The following CLSTN1 variants were observed in gnomAD, a reference collection of about 807,000 sequenced individuals.
CLSTN1 encodes calsyntenin-1.
CLSTN1 carries 28 observed loss-of-function variants against 108.3 expected under a neutral mutation model. The observed-to-expected ratio is 0.26, with a 90% CI of 0.19 to 0.35. The LOEUF (loss-of-function observed/expected upper bound fraction) is 0.35, where lower values mean the gene tolerates loss of function less well. CLSTN1 is among the 10% of genes least tolerant of loss of function. The probability of loss-of-function intolerance (pLI) is 1.00; values close to 1 mark genes in which losing one functional copy is unlikely to be tolerated. For missense variants in CLSTN1, 1,157 were observed against 1,302.6 expected (o/e 0.89, Z 1.72); for synonymous variants, 524 against 534.9 (o/e 0.98, Z 0.28).
At chr1:9,784,330 C>T (rs970967456) in intron 1 of CLSTN1, among the ~76,000 whole-genome samples, 18 of 150,702 alleles carry the variant, frequency 1.2e-4, no homozygotes, top group Non-Finnish European at 2.7e-4. Flanking sequence ...GGTGACAAAG[C>T]GAGATTCCCT....
chr1:9,802,583 C>G (rs1008848981), intron 1 of CLSTN1, among the ~76,000 whole-genome samples: 1 of 152,076 alleles, frequency 6.6e-6, no homozygotes, highest in African/African-American at 2.4e-5. Flanking sequence ...ACAGACTCAC[C>G]CAAATGTATG....
intron 5 of CLSTN1, among the ~76,000 whole-genome samples, chr1:9,750,410 T>C (rs1037849706): frequency 7.9e-5 from 12 of 152,166 alleles, no homozygotes; most frequent in African/African-American, 2.2e-4. Context: ...AGACCGTGCA[T>C]TGATTAACAA....
intron 2 of CLSTN1, among the ~76,000 whole-genome samples, chr1:9,769,253 C>A (rs564780040): frequency 6.6e-6 from 1 of 151,836 alleles, no homozygotes; most frequent in Non-Finnish European, 1.5e-5. Context: ...AGCAGAGGAC[C>A]CCACGCTTCA....
At chr1:9,824,148 C>G (rs1362041692), upstream of CLSTN1, 4 of 146,054 alleles carry the variant, frequency 2.7e-5, 1 homozygote, top group Admixed American at 2.7e-4. This position sits in a 1 kb window ranked among gnomAD's most constrained non-coding sequence, Gnocchi z 5.0. Flanking sequence ...GCAGCGGGCG[C>G]GCGCCTCCGA....
At position 9,734,838 on chromosome 1, in the gene CLSTN1, A is replaced by C; in HGVS notation, c.2110+110T>G. On this transcript the variant is annotated intron_variant, in intron 14 of 18. Coordinates refer to ENST00000377298, the MANE Select transcript of CLSTN1 (RefSeq NM_001009566.3). The surrounding 1 kb of genome is among the most constrained non-coding windows in gnomAD (Gnocchi z 4.8). Reference sequence around the variant, plus strand: ...GCACACCCGAGAGAACACCAACGAAAGATTAAAACCTCCCCAAATCCCACA... The same window carrying C: ...GCACACCCGAGAGAACACCAACGAACGATTAAAACCTCCCCAAATCCCACA... The C allele has an allele frequency of 1.1e-6, 1 of 905,916 alleles. No individual in the cohort carries two copies. Among genetic ancestry groups the C allele is most frequent in the Non-Finnish European group, 1.7e-6 (1 of 581,384 alleles). The allele number at this position is 905,916 out of a possible 1,614,324, so 56.1% of individuals were successfully genotyped here.
intron 2 of CLSTN1, among the ~76,000 whole-genome samples, chr1:9,759,739 A>G (rs1026107487): frequency 6.6e-6 from 1 of 152,214 alleles, no homozygotes; most frequent in Non-Finnish European, 1.5e-5. Context: ...AATAGTCCCT[A>G]TCTAGTTCTT....
intron 4 of CLSTN1, among the ~76,000 whole-genome samples, chr1:9,752,954 T>C (rs1049769680): frequency 7.2e-5 from 11 of 152,144 alleles, no homozygotes; most frequent in African/African-American, 2.2e-4. Context: ...GGCTAGCAAG[T>C]GGTGGAGAAA....
chr1:9,795,867 A>G (rs1019537643), intron 1 of CLSTN1, among the ~76,000 whole-genome samples: 2 of 150,926 alleles, frequency 1.3e-5, no homozygotes, highest in Non-Finnish European at 2.9e-5. Flanking sequence ...AGGCAGGAGA[A>G]CTGCTTGAGC....
intron 7 of CLSTN1, among the ~76,000 whole-genome samples, chr1:9,748,184 T>A (rs1195576220): frequency 6.6e-6 from 1 of 152,332 alleles, no homozygotes; most frequent in African/African-American, 2.4e-5. Flanking sequence ...TTCCAATTTA[T>A]GAAGACGCTG....
intron 1 of CLSTN1, among the ~76,000 whole-genome samples, chr1:9,803,553 AG>A (rs1654377779): frequency 6.6e-6 from 1 of 152,242 alleles, no homozygotes; most frequent in Admixed American, 6.5e-5. Context: ...CTGCAATCCC[AG>A]CACTTTGGGA....
intron 1 of CLSTN1, among the ~76,000 whole-genome samples, chr1:9,796,148 G>A (rs1185186603): frequency 6.6e-6 from 1 of 150,506 alleles, no homozygotes; most frequent in East Asian, 2.0e-4. Flanking sequence ...TGTAATCCCA[G>A]CTACTCGGGG....
At chr1:9,793,012 T>TC (rs1213308743) in intron 1 of CLSTN1, among the ~76,000 whole-genome samples, 4 of 150,966 alleles carry the variant, frequency 2.6e-5, no homozygotes, top group African/African-American at 9.7e-5. Flanking sequence ...AAAACGCAGA[T>TC]CCCTTTTTTT....
At chr1:9,744,963 A>G (rs1416317311) in intron 7 of CLSTN1, among the ~76,000 whole-genome samples, 1 of 152,204 alleles carries the variant, frequency 6.6e-6, no homozygotes, top group African/African-American at 2.4e-5. Flanking sequence ...CATGTTGGCC[A>G]GGCTGGCCTG....
At chr1:9,764,714 C>A (rs1379512435) in intron 2 of CLSTN1, among the ~76,000 whole-genome samples, 1 of 151,654 alleles carries the variant, frequency 6.6e-6, no homozygotes, top group Non-Finnish European at 1.5e-5. Context: ...GCAGCACTTG[C>A]CTCCTTAGCC....
At chr1:9,810,187 G>A (rs1192419299) in intron 1 of CLSTN1, among the ~76,000 whole-genome samples, 1 of 149,232 alleles carries the variant, frequency 6.7e-6, no homozygotes, top group African/African-American at 2.5e-5. Context: ...AGGCAAGCAG[G>A]CAGGCAGGCA....
At position 9,775,047 on chromosome 1, in the gene CLSTN1, G is replaced by A. The variant is rs560541137; in HGVS notation, c.92-1653C>T. Reference sequence around the variant, plus strand: ...TAATGTATTTTAATTAGTGTATAATGAGCAGTGAGGACGACCAGAAGTCAC... The same window carrying A: ...TAATGTATTTTAATTAGTGTATAATAAGCAGTGAGGACGACCAGAAGTCAC... On this transcript the variant is annotated intron_variant, in intron 1 of 18. Coordinates refer to ENST00000377298, the MANE Select transcript of CLSTN1 (RefSeq NM_001009566.3). Among the ~76,000 whole-genome samples the A allele has an allele frequency of 6.6e-5, 10 of 152,230 alleles. No homozygotes were observed. In the South Asian group the frequency reaches 2.1e-3, roughly 32 times the overall value.
At position 9,794,261 on chromosome 1, in the gene CLSTN1, C is replaced by T. The variant is rs1202895316; in HGVS notation, c.92-20867G>A. ...AGCACCAGGGGAACAAATCCAATGC[C>T]AAACCACTATCAGAACATTTCCAAC... On this transcript the variant is annotated intron_variant, in intron 1 of 18. Coordinates refer to ENST00000377298, the MANE Select transcript of CLSTN1 (RefSeq NM_001009566.3). Among the ~76,000 whole-genome samples the T allele has an allele frequency of 1.3e-5, 2 of 151,490 alleles. 1 individual carries two copies. The highest frequency in any genetic ancestry group is 4.8e-5 in the African/African-American group (2 of 41,424).
chr1:9,763,710 C>A (rs944349289), intron 2 of CLSTN1, among the ~76,000 whole-genome samples: 1 of 152,178 alleles, frequency 6.6e-6, no homozygotes, highest in Non-Finnish European at 1.5e-5. Context: ...ACCATGTGGA[C>A]TCAAGTTGAC....
rs773233514 is a variant in CLSTN1 at position 9,735,119 on chromosome 1, C to T, written c.1939G>A (p.Val647Ile). The T allele has an allele frequency of 3.7e-6, 6 of 1,614,116 alleles. No individual in the cohort carries two copies. The highest frequency in any genetic ancestry group is 2.5e-6 in the Non-Finnish European group (3 of 1,180,056). ...SVPPVDGYVM[V>I]LQPEEPKISL... ...ATCTTGGGCTCCTCGGGCTGTAAAACCATCACGTAGCCATCTACCGGGGGG... is the reference window on the plus strand; with the variant it reads ...ATCTTGGGCTCCTCGGGCTGTAAAATCATCACGTAGCCATCTACCGGGGGG... The change falls in exon 14 of 19, where the codon GTT (valine) becomes ATT (isoleucine). Residue 647 changes from valine (V) to isoleucine (I), a missense_variant. Transcript: ENST00000377298.
Sources: gnomAD v4.1 joint callset for allele counts (sites outside exome capture counted in the v4.1 genomes callset) on GRCh38, gnomAD v4.1.1 for gene constraint, Gnocchi (gnomAD v3.1) non-coding constraint, MANE v1.5 for transcripts, NCBI Gene and HGNC (gene_info 2026-07-23, HGNC 2026-07-21) for gene names.